The following TMEM108 variants were observed in gnomAD, a reference collection of about 807,000 sequenced individuals.
TMEM108 encodes transmembrane protein 108, also known as cancer/testis antigen 124.
Under a neutral mutation model 35.1 loss-of-function variants are expected in TMEM108, and 12 were observed. That is an observed-to-expected ratio of 0.34 (90% CI 0.22 to 0.55). The LOEUF (loss-of-function observed/expected upper bound fraction) is 0.55. Ranked by LOEUF, TMEM108 falls within the 20% of genes least tolerant of loss-of-function variation. The pLI is 0.89. For missense variants in TMEM108, 680 were observed against 753.3 expected (o/e 0.90, Z 1.14); for synonymous variants, 287 against 308.6 (o/e 0.93, Z 0.73).
chr3:133,098,204 C>T (rs1291308724), intron 2 of TMEM108, among the ~76,000 whole-genome samples: 1 of 152,212 alleles, frequency 6.6e-6, no homozygotes, highest in Non-Finnish European at 1.5e-5. Context: ...AAAGGCACTT[C>T]TTACATGGCA....
chr3:133,168,350 AGT>A (rs1945075121), intron 2 of TMEM108, among the ~76,000 whole-genome samples: 1 of 152,154 alleles, frequency 6.6e-6, no homozygotes, highest in African/African-American at 2.4e-5. Flanking sequence ...GCTCACATCT[AGT>A]GAGGGCCTTC....
chr3:133,073,524 A>C (rs1484891354), intron 2 of TMEM108, among the ~76,000 whole-genome samples: 17 of 108,352 alleles, frequency 1.6e-4, no homozygotes, highest in East Asian at 5.0e-4. Context: ...ATATATATAT[A>C]TATATATATA....
intron 4 of TMEM108, among the ~76,000 whole-genome samples, chr3:133,389,916 T>TTGATGATGATGA (rs33928925): frequency 0.017 from 2,539 of 151,210 alleles, 71 homozygotes; most frequent in African/African-American, 0.054. Flanking sequence ...ACAGGATTTT[T>TTGATGATGATGA]TGATGATGAT....
chr3:133,204,363 T>A (rs1945719209), intron 2 of TMEM108, among the ~76,000 whole-genome samples: 2 of 152,152 alleles, frequency 1.3e-5, no homozygotes, highest in African/African-American at 4.8e-5. Context: ...TGTTTGCTGT[T>A]GCTTCTCTAG....
intron 3 of TMEM108, among the ~76,000 whole-genome samples, chr3:133,372,580 C>T (rs887353550): frequency 1.3e-5 from 2 of 152,194 alleles, no homozygotes; most frequent in Admixed American, 1.3e-4. Flanking sequence ...CACACAAGCC[C>T]TGTCTCACAT....
At chr3:133,181,243 C>A (rs979380643) in intron 2 of TMEM108, among the ~76,000 whole-genome samples, 2 of 152,072 alleles carry the variant, frequency 1.3e-5, no homozygotes, top group Non-Finnish European at 2.9e-5. Flanking sequence ...ATCTATGAAC[C>A]ATCATCCTGT....
intron 3 of TMEM108, among the ~76,000 whole-genome samples, chr3:133,319,738 C>T (rs993203424): frequency 6.6e-6 from 1 of 152,156 alleles, no homozygotes; most frequent in Non-Finnish European, 1.5e-5. Context: ...CAACCCAGAG[C>T]CTGGTAGCCC....
At chr3:133,356,420 G>A (rs1436986896) in intron 3 of TMEM108, among the ~76,000 whole-genome samples, 1 of 152,112 alleles carries the variant, frequency 6.6e-6, no homozygotes, top group African/African-American at 2.4e-5. Flanking sequence ...CAGATACAAT[G>A]CAATTCCTGT....
chr3:133,170,221 G>A (rs1392508496), intron 2 of TMEM108, among the ~76,000 whole-genome samples: 1 of 152,092 alleles, frequency 6.6e-6, no homozygotes, highest in Non-Finnish European at 1.5e-5. Context: ...TTACATAACT[G>A]TTATAGAAAA....
intron 2 of TMEM108, among the ~76,000 whole-genome samples, chr3:133,080,006 G>T (rs896597588): frequency 3.3e-5 from 5 of 152,066 alleles, no homozygotes; most frequent in African/African-American, 1.2e-4. Context: ...CTTGCTACAG[G>T]CCAAGGCCAC....
intron 3 of TMEM108, among the ~76,000 whole-genome samples, chr3:133,373,067 G>A (rs1197287): frequency 0.28 from 42,342 of 152,120 alleles, 6,588 homozygotes; most frequent in East Asian, 0.43. Flanking sequence ...GAACCACAGT[G>A]AGTAGAAAAA....
At chr3:133,315,794 C>G (rs1559902307) in intron 3 of TMEM108, among the ~76,000 whole-genome samples, 1 of 152,208 alleles carries the variant, frequency 6.6e-6, no homozygotes, top group Non-Finnish European at 1.5e-5. Context: ...TGGCAATGGA[C>G]AACCCCTACA....
At chr3:133,287,732 A>C (rs528963425) in intron 3 of TMEM108, among the ~76,000 whole-genome samples, 1 of 152,354 alleles carries the variant, frequency 6.6e-6, no homozygotes, top group East Asian at 1.9e-4. Context: ...ATTTGCTCTT[A>C]AACTAAATAA....
At chr3:133,116,090 G>GA (rs1275213517) in intron 2 of TMEM108, among the ~76,000 whole-genome samples, 2 of 152,202 alleles carry the variant, frequency 1.3e-5, no homozygotes, top group Admixed American at 6.5e-5. Context: ...CTTTAGTAAT[G>GA]AGAGAAATGT....
chr3:133,200,161 CT>C (rs1421638059), intron 2 of TMEM108, among the ~76,000 whole-genome samples: 2 of 152,168 alleles, frequency 1.3e-5, no homozygotes, highest in African/African-American at 4.8e-5. Flanking sequence ...CAGGTGCCGT[CT>C]GTCACGGCTT....
intron 3 of TMEM108, among the ~76,000 whole-genome samples, chr3:133,371,191 C>G (rs1390276513): frequency 6.6e-6 from 1 of 152,152 alleles, no homozygotes; most frequent in African/African-American, 2.4e-5. Context: ...GATGGTATTC[C>G]AGTTACTGCT....
intron 3 of TMEM108, among the ~76,000 whole-genome samples, chr3:133,348,181 T>A (rs911839939): frequency 2.6e-4 from 40 of 152,048 alleles, no homozygotes; most frequent in Non-Finnish European, 4.9e-4. Context: ...AATCAAAATA[T>A]TGTATTACAA....
At chr3:133,069,728 A>G (rs1392579677) in intron 2 of TMEM108, among the ~76,000 whole-genome samples, 1 of 151,986 alleles carries the variant, frequency 6.6e-6, no homozygotes, top group Non-Finnish European at 1.5e-5. Context: ...ATATTTACCC[A>G]TCATCCTGTA....
At chr3:133,222,740 T>A (rs1363124061) in intron 2 of TMEM108, among the ~76,000 whole-genome samples, 1 of 152,140 alleles carries the variant, frequency 6.6e-6, no homozygotes, top group Non-Finnish European at 1.5e-5. Context: ...TTCTTGTTTT[T>A]AAATAATTTC....
Sources: allele counts gnomAD v4.1 joint callset (sites outside exome capture counted in the v4.1 genomes callset), GRCh38; gene constraint gnomAD v4.1.1; transcripts MANE v1.5; gene names NCBI Gene and HGNC (gene_info 2026-07-23, HGNC 2026-07-21).